INPP4B: variants seen among roughly 807,000 people sequenced by gnomAD.
INPP4B encodes inositol polyphosphate 4-phosphatase type II.
Under a neutral mutation model 122.5 loss-of-function variants are expected in INPP4B, and 55 were observed. The ratio of observed to expected loss-of-function variants is 0.45; its 90% CI spans 0.36 to 0.56. The LOEUF is 0.56. Among genes scored for constraint, INPP4B ranks in the 20% least tolerant of loss-of-function variants. The probability of loss-of-function intolerance (pLI) is 0.00; values close to 1 mark genes in which losing one functional copy is unlikely to be tolerated. For missense variants in INPP4B, 1,000 were observed against 1,097.7 expected (o/e 0.91, Z 1.26); for synonymous variants, 403 against 388.7 (o/e 1.04, Z -0.43).
At chr4:142,715,999 G>A (rs1017827883) in intron 2 of INPP4B, among the ~76,000 whole-genome samples, 2 of 152,182 alleles carry the variant, frequency 1.3e-5, no homozygotes, top group African/African-American at 4.8e-5. Flanking sequence ...CAACATGATA[G>A]CCAGATTCTA....
chr4:142,725,553 G>T (rs1160096333), intron 2 of INPP4B, among the ~76,000 whole-genome samples: 2 of 152,050 alleles, frequency 1.3e-5, no homozygotes, highest in African/African-American at 4.8e-5. Context: ...CAAAGAGACT[G>T]CAATCCTGTA....
intron 2 of INPP4B, among the ~76,000 whole-genome samples, chr4:142,484,783 T>TC (rs1821006781): frequency 6.6e-6 from 1 of 151,950 alleles, no homozygotes; most frequent in Admixed American, 6.6e-5. Flanking sequence ...CTTCGACAGG[T>TC]CCCTGTGTGT....
Position 142,544,932 on chromosome 4 carries a change from C to T in INPP4B, c.-190-82206G>A, listed in dbSNP as rs547456212. On this transcript the variant is annotated intron_variant, in intron 2 of 25. Transcript: ENST00000262992. Reference sequence around the variant, plus strand: ...AGTAATGGGGAAAAAATTTCTCTTACGAAAATATATTTTATATAGACACTG... The same window carrying T: ...AGTAATGGGGAAAAAATTTCTCTTATGAAAATATATTTTATATAGACACTG... 5.0e-4 allele frequency among the ~76,000 whole-genome samples: 76 copies of T among 152,070 alleles called. 1 individual carries two copies. Among genetic ancestry groups the T allele is most frequent in the Non-Finnish European group, 8.8e-4 (60 of 67,986 alleles).
In INPP4B at chr4:142,553,961, T is replaced by C. The variant is rs1728544591; in HGVS notation, c.-190-91235A>G. On this transcript the variant is annotated intron_variant, in intron 2 of 25. Transcript: ENST00000262992. Reference sequence around the variant, plus strand: ...ATCCCAGCACTTTGGGAGGCCGAAGTGGGCAGATCACGAGGTCAGGAGATT... The same window carrying C: ...ATCCCAGCACTTTGGGAGGCCGAAGCGGGCAGATCACGAGGTCAGGAGATT... Among the ~76,000 whole-genome samples the C allele has an allele frequency of 2.6e-5, 4 of 151,954 alleles. No homozygotes were observed. The South Asian group carries it at 8.3e-4, about 31-fold the overall frequency.
intron 2 of INPP4B, among the ~76,000 whole-genome samples, chr4:142,465,024 T>C (rs538534029): frequency 6.6e-6 from 1 of 152,218 alleles, no homozygotes; most frequent in Non-Finnish European, 1.5e-5. Flanking sequence ...AATATGATCA[T>C]ACAAAGGCCA....
chr4:142,807,784 T>C (rs1779038552), intron 1 of INPP4B, among the ~76,000 whole-genome samples: 1 of 129,492 alleles, frequency 7.7e-6, no homozygotes, highest in Non-Finnish European at 1.6e-5. Context: ...GACAGTATCT[T>C]AGCTGTAAGA....
In INPP4B at chr4:142,160,523, G is replaced by T. The variant is rs779485999; in HGVS notation, c.1398C>A (p.Val466=). 1.9e-6 allele frequency: 3 copies of T among 1,609,588 alleles called. No individual in the cohort carries two copies. In the Admixed American group the frequency reaches 5.0e-5, roughly 27 times the overall value. ...LFVHAFKDQL[V]RSALLALYTA... ...TGTAGAGTGCTAAAAGAGCACTCCT[G>T]ACAAGTTGATCCTTGAAGGCATGTA... is the stretch of plus-strand genomic sequence containing the variant. The change falls in exon 17 of 26, where the codon GTC becomes GTA. Residue 466 remains valine, a synonymous_variant. Coordinates refer to ENST00000262992, the MANE Select transcript of INPP4B (RefSeq NM_001101669.3).
chr4:142,666,827 T>C (rs964113976), intron 2 of INPP4B, among the ~76,000 whole-genome samples: 3 of 152,208 alleles, frequency 2.0e-5, no homozygotes, highest in Non-Finnish European at 4.4e-5. Flanking sequence ...TTAATATTCA[T>C]TTGTTCAATA....
chr4:142,445,286 A>C (rs767508791), intron 3 of INPP4B, among the ~76,000 whole-genome samples: 5 of 151,656 alleles, frequency 3.3e-5, no homozygotes, highest in Non-Finnish European at 7.3e-5. Context: ...CAATTCAAGC[A>C]GTCTAGTACA....
chr4:142,530,485 G>T (rs971616609), intron 2 of INPP4B, among the ~76,000 whole-genome samples: 2 of 150,498 alleles, frequency 1.3e-5, no homozygotes, highest in African/African-American at 4.9e-5. Flanking sequence ...AGGAAAAATG[G>T]AATAAACTAG....
chr4:142,517,762 A>C (rs777804946), intron 2 of INPP4B, among the ~76,000 whole-genome samples: 2 of 152,124 alleles, frequency 1.3e-5, no homozygotes, highest in Non-Finnish European at 2.9e-5. Context: ...ATTTTTAAAA[A>C]ACATGGCCAT....
At chr4:142,333,372 G>A (rs572398577) in intron 7 of INPP4B, among the ~76,000 whole-genome samples, 11 of 152,178 alleles carry the variant, frequency 7.2e-5, no homozygotes, top group Non-Finnish European at 1.6e-4. Flanking sequence ...TAAAGTCAGA[G>A]AAGCCTGAAA....
intron 2 of INPP4B, among the ~76,000 whole-genome samples, chr4:142,718,628 G>A (rs905838095): frequency 6.6e-6 from 1 of 152,168 alleles, no homozygotes; most frequent in Non-Finnish European, 1.5e-5. Context: ...AGGGCCACGA[G>A]CAAGTGCTAT....
At chr4:142,790,876 C>A (rs191607122) in intron 1 of INPP4B, among the ~76,000 whole-genome samples, 21 of 151,898 alleles carry the variant, frequency 1.4e-4, no homozygotes, top group African/African-American at 4.3e-4. Context: ...TGAAGCCCAA[C>A]ATCTCAAATG....
At chr4:142,315,481 T>C (rs949343121) in intron 7 of INPP4B, among the ~76,000 whole-genome samples, 1 of 152,052 alleles carries the variant, frequency 6.6e-6, no homozygotes, top group African/African-American at 2.4e-5. Context: ...GAGACATGTA[T>C]CTTCAACTGA....
At chr4:142,501,224 C>A (rs1424681543) in intron 2 of INPP4B, among the ~76,000 whole-genome samples, 1 of 152,096 alleles carries the variant, frequency 6.6e-6, no homozygotes, top group Non-Finnish European at 1.5e-5. Flanking sequence ...TTATAACAGG[C>A]CTACAAATAC....
At chr4:142,271,371 A>C (rs1477905522) in intron 9 of INPP4B, among the ~76,000 whole-genome samples, 2 of 152,254 alleles carry the variant, frequency 1.3e-5, no homozygotes, top group Non-Finnish European at 1.5e-5. Flanking sequence ...ATTGTGTCAT[A>C]GATCAATACC....
At chr4:142,280,559 T>C (rs1405607162) in intron 9 of INPP4B, among the ~76,000 whole-genome samples, 1 of 151,890 alleles carries the variant, frequency 6.6e-6, no homozygotes, top group Non-Finnish European at 1.5e-5. Flanking sequence ...GGTTTCTTTG[T>C]GGTAATGGAA....
chr4:142,780,494 A>G (rs2151025015), intron 1 of INPP4B, among the ~76,000 whole-genome samples: 1 of 152,276 alleles, frequency 6.6e-6, no homozygotes, highest in East Asian at 1.9e-4. Context: ...AGGCATTAAT[A>G]AACTCAAGAA....
Sources: allele counts gnomAD v4.1 joint callset (sites outside exome capture counted in the v4.1 genomes callset), GRCh38; gene constraint gnomAD v4.1.1; transcripts MANE v1.5; gene names NCBI Gene and HGNC (gene_info 2026-07-23, HGNC 2026-07-21).